The following KIAA0825 variants were observed in gnomAD, a reference collection of about 807,000 sequenced individuals.
KIAA0825 encodes uncharacterized protein KIAA0825.
Under a neutral mutation model 147.6 loss-of-function variants are expected in KIAA0825, and 119 were observed. That is an observed-to-expected ratio of 0.81 (90% confidence interval 0.69 to 0.94). The LOEUF (loss-of-function observed/expected upper bound fraction) is 0.94, where lower values mean the gene tolerates loss of function less well. Among genes scored for constraint, KIAA0825 ranks in the 40% least tolerant of loss-of-function variants. The probability of loss-of-function intolerance (pLI) is 0.00; values close to 1 mark genes in which losing one functional copy is unlikely to be tolerated. For missense variants in KIAA0825, 1,381 were observed against 1,472.7 expected, an observed-to-expected ratio of 0.94 and a Z score of 1.02; for synonymous variants, 470 against 518.1, an observed-to-expected ratio of 0.91 and a Z score of 1.26.
chr5:94,471,560 G>T lies in KIAA0825; in HGVS notation c.1627C>A (p.Pro543Thr), dbSNP rs79996980. Residue 543 changes from proline (P) to threonine (T), a missense_variant, in exon 9 of 21, where the codon CCC becomes ACC. Physicochemically the swap from Pro to Thr is conservative, Grantham distance 38. Coordinates refer to ENST00000682413, the MANE Select transcript of KIAA0825 (RefSeq NM_001145678.3). ...AGGTATGTGTGCAAGTTTTTCAGGG[G>T]TGCTTTGGAAGGAACCTCCTTGGCT... ...ERAKEVPSKA[P>T]LKNLHTYLST... 2 of 1,551,938 alleles carry T rather than the reference G, an allele frequency of 1.3e-6. No individual in the cohort carries two copies. Among genetic ancestry groups the T allele is most frequent in the Admixed American group, 2.0e-5 (1 of 51,010 alleles).
chr5:94,451,905 C>T (rs772365061), intron 13 of KIAA0825, among the ~76,000 whole-genome samples: 5 of 152,116 alleles, frequency 3.3e-5, no homozygotes, highest in Non-Finnish European at 7.4e-5. Context: ...GAGATCCAGT[C>T]GTTTGTTACT....
intron 15 of KIAA0825, among the ~76,000 whole-genome samples, chr5:94,404,825 C>T (rs1751836437): frequency 6.6e-6 from 1 of 152,020 alleles, no homozygotes; most frequent in Non-Finnish European, 1.5e-5. Context: ...TCAAGTGTTT[C>T]AAAAATTACC....
chr5:94,239,321 G>T (rs1469853449), intron 20 of KIAA0825, among the ~76,000 whole-genome samples: 1 of 152,176 alleles, frequency 6.6e-6, no homozygotes, highest in Non-Finnish European at 1.5e-5. Flanking sequence ...ATAAATATGA[G>T]AAACGGTCTC....
At chr5:94,230,678 A>C (rs1214483778) in intron 20 of KIAA0825, among the ~76,000 whole-genome samples, 6 of 152,200 alleles carry the variant, frequency 3.9e-5, no homozygotes, top group Non-Finnish European at 7.3e-5. Context: ...TTTAACAAAC[A>C]GTTCTCAATG....
chr5:94,237,767 G>C (rs560980451), intron 20 of KIAA0825, among the ~76,000 whole-genome samples: 2 of 152,200 alleles, frequency 1.3e-5, no homozygotes, highest in Admixed American at 6.5e-5. Context: ...TGTTGATGAA[G>C]CCCAATGATA....
rs1025340481 is a variant in KIAA0825 at position 94,377,137 on chromosome 5, T to C, written c.3710+7231A>G. On this transcript the variant is annotated intron_variant, in intron 20 of 20. Transcript: ENST00000682413. Reference sequence around the variant, plus strand: ...TCAATGCCTCTTTTAAAACATGTTTTCTAATCTCTGTTTCCTCTCAGATGT... The same window carrying C: ...TCAATGCCTCTTTTAAAACATGTTTCCTAATCTCTGTTTCCTCTCAGATGT... Among the ~76,000 whole-genome samples, 32 of 152,338 alleles carry C rather than the reference T, an allele frequency of 2.1e-4. 2 individuals are homozygous for C. The highest frequency in any genetic ancestry group is 7.7e-4 in the African/African-American group (32 of 41,580).
intron 2 of KIAA0825, among the ~76,000 whole-genome samples, chr5:94,581,991 C>T (rs72773503): frequency 1.3e-5 from 2 of 152,014 alleles, no homozygotes; most frequent in African/African-American, 4.8e-5. Context: ...AGACAAGTCA[C>T]AAGTTAAACA....
intron 18 of KIAA0825, among the ~76,000 whole-genome samples, chr5:94,390,087 T>A (rs540243271): frequency 6.6e-6 from 1 of 152,230 alleles, no homozygotes. Context: ...ATGAGGGAAG[T>A]ACAGCCTTTG....
intron 7 of KIAA0825, among the ~76,000 whole-genome samples, chr5:94,476,892 C>T (rs1761959167): frequency 6.6e-6 from 1 of 152,058 alleles, no homozygotes; most frequent in Non-Finnish European, 1.5e-5. Context: ...TGAGTTCCAT[C>T]TCTCTATTCC....
chr5:94,566,280 G>T (rs1584911078), intron 2 of KIAA0825, among the ~76,000 whole-genome samples: 1 of 152,076 alleles, frequency 6.6e-6, no homozygotes, highest in African/African-American at 2.4e-5. Context: ...GAGAAGGAGG[G>T]AATGAAGCAT....
intron 1 of KIAA0825, among the ~76,000 whole-genome samples, chr5:94,611,053 T>C (rs191898838): frequency 1.3e-5 from 2 of 152,140 alleles, no homozygotes; most frequent in Admixed American, 1.3e-4. Flanking sequence ...TGATACACCA[T>C]GGCTAAAGTC....
At chr5:94,187,529 C>G (rs1359443643) in intron 20 of KIAA0825, among the ~76,000 whole-genome samples, 2 of 150,900 alleles carry the variant, frequency 1.3e-5, no homozygotes, top group African/African-American at 4.9e-5. Context: ...CGGGTTCATT[C>G]CATTCTCCTG....
At chr5:94,351,515 A>G (rs989131507) in intron 20 of KIAA0825, among the ~76,000 whole-genome samples, 1 of 152,230 alleles carries the variant, frequency 6.6e-6, no homozygotes, top group Non-Finnish European at 1.5e-5. Context: ...CTATACTGCC[A>G]AAAGAAATCT....
chr5:94,564,047 T>C (rs1778092178), intron 2 of KIAA0825, among the ~76,000 whole-genome samples: 1 of 152,030 alleles, frequency 6.6e-6, no homozygotes, highest in Admixed American at 6.5e-5. Flanking sequence ...CTCAAAATTA[T>C]CTGATGTCAG....
At position 94,565,095 on chromosome 5, in the gene KIAA0825, C is replaced by CTTT. The variant is rs1176429699; in HGVS notation, c.-2+17335_-2+17337dup. 3.8e-3 allele frequency among the ~76,000 whole-genome samples: 202 copies of CTTT among 52,922 alleles called. 15 individuals carry two copies. Among genetic ancestry groups the CTTT allele is most frequent in the African/African-American group, 0.015 (187 of 12,746 alleles). 34.7% of individuals were successfully genotyped at this position (52,922 alleles called of 152,430 possible). On this transcript the variant is annotated intron_variant, in intron 2 of 20. Transcript: ENST00000682413. ...CTCTTTCTCTCTCTTTCTTGCTTTC[C>CTTT]TTTTTTTTTTTTTTTTTTGGTAGAG...
chr5:94,598,998 A>C (rs201551614), intron 1 of KIAA0825, among the ~76,000 whole-genome samples: 2 of 152,270 alleles, frequency 1.3e-5, no homozygotes, highest in Non-Finnish European at 2.9e-5. Flanking sequence ...CAGTAGAGGG[A>C]CAGCTGGATC....
intron 20 of KIAA0825, among the ~76,000 whole-genome samples, chr5:94,207,172 G>A (rs1772277143): frequency 6.6e-6 from 1 of 152,098 alleles, no homozygotes; most frequent in Non-Finnish European, 1.5e-5. Flanking sequence ...TAAAAATGCA[G>A]TATCATACTC....
intron 20 of KIAA0825, among the ~76,000 whole-genome samples, chr5:94,178,844 TA>T (rs1379203735): frequency 6.6e-6 from 1 of 152,040 alleles, no homozygotes; most frequent in Non-Finnish European, 1.5e-5. Context: ...TATATTCACA[TA>T]AAAATATGTG....
rs142062437 is a variant in KIAA0825 at position 94,533,002 on chromosome 5, G to A, written c.131+3994C>T. ...TGTCTTTTTTTTTTTTTTTTGAGAC[G>A]GAGTCTCGCTCTGTCGCCCAGGCTG... On this transcript the variant is annotated intron_variant, in intron 3 of 20. Transcript: ENST00000682413. Among the ~76,000 whole-genome samples, 1,331 of 146,656 alleles carry A rather than the reference G, an allele frequency of 9.1e-3. 21 individuals are homozygous for A. The highest frequency in any genetic ancestry group is 0.03 in the African/African-American group (1,194 of 39,638).
Sources: allele counts gnomAD v4.1 joint callset (sites outside exome capture counted in the v4.1 genomes callset), GRCh38; gene constraint gnomAD v4.1.1; transcripts MANE v1.5; gene names NCBI Gene and HGNC (gene_info 2026-07-23, HGNC 2026-07-21).